HOOK3: variants seen among roughly 807,000 people sequenced by gnomAD.
HOOK3 encodes hook microtubule tethering protein 3, also known as protein Hook homolog 3.
Under a neutral mutation model 116.3 loss-of-function variants are expected in HOOK3, and 24 were observed. That is an observed-to-expected ratio of 0.21 (90% CI 0.15 to 0.29). The LOEUF (loss-of-function observed/expected upper bound fraction) is 0.29, where lower values mean the gene tolerates loss of function less well. Ranked by LOEUF, HOOK3 falls within the 10% of genes least tolerant of loss-of-function variation. The probability of loss-of-function intolerance (pLI) is 1.00; values close to 1 mark genes in which losing one functional copy is unlikely to be tolerated. For missense variants in HOOK3, 632 were observed against 830.2 expected (o/e 0.76, Z 2.93); for synonymous variants, 275 against 283.0 (o/e 0.97, Z 0.28).
chr8:42,949,066 T>G (rs1808290112), intron 5 of HOOK3, among the ~76,000 whole-genome samples: 1 of 152,220 alleles, frequency 6.6e-6, no homozygotes, highest in Admixed American at 6.5e-5. Flanking sequence ...GGATTACAGT[T>G]GTCATTTCAA....
chr8:43,019,182 C>T lies in HOOK3; in HGVS notation c.*684C>T, dbSNP rs1398042145. On this transcript the variant is annotated 3_prime_UTR_variant, in exon 22 of 22. Transcript: ENST00000307602. Reference sequence around the variant, plus strand: ...ATACATAAAATTTCATTATTTCCTGCTATCTTGTTTGCTGGCAGAAGTGAA... The same window carrying T: ...ATACATAAAATTTCATTATTTCCTGTTATCTTGTTTGCTGGCAGAAGTGAA... The T allele has an allele frequency of 4.8e-6, 1 of 210,356 alleles. No homozygotes were observed. Among genetic ancestry groups the T allele is most frequent in the African/African-American group, 2.3e-5 (1 of 44,120 alleles). 13.0% of individuals were successfully genotyped at this position (210,356 alleles called of 1,614,324 possible).
In HOOK3 at chr8:42,973,405, TATATATATTAGGC is replaced by T. The variant is rs779305727; in HGVS notation, c.1233+9_1233+21del. ...GTCTTCAAAAAGAAAAGGACGTGAG[TATATATATTAGGC>T]ATTTTGGTTTTGAGCACTGCTAAAA... is the stretch of plus-strand genomic sequence containing the variant. On this transcript the variant is annotated splice_region_variant and intron_variant, in intron 12 of 21. Coordinates refer to ENST00000307602, the MANE Select transcript of HOOK3 (RefSeq NM_032410.4). 5.6e-6 allele frequency: 9 copies of T among 1,596,198 alleles called. No homozygotes were observed. The Admixed American group carries it at 1.6e-4, about 28-fold the overall frequency.
At position 42,897,033 on chromosome 8, in the gene HOOK3, G is replaced by A; in HGVS notation, c.-99G>A. ...GCGGCCGGATCCGAGGAGCAGGCGG[G>A]CCTGAGGCCGAGTCAGCTGCGCGGG... On this transcript the variant is annotated 5_prime_UTR_variant, in exon 1 of 22. Coordinates refer to ENST00000307602, the MANE Select transcript of HOOK3 (RefSeq NM_032410.4). 2.2e-6 allele frequency: 2 copies of A among 912,198 alleles called. No homozygotes were observed. Among genetic ancestry groups the A allele is most frequent in the Non-Finnish European group, 2.9e-6 (2 of 693,860 alleles). 56.5% of individuals were successfully genotyped at this position (912,198 alleles called of 1,614,324 possible).
intron 15 of HOOK3, among the ~76,000 whole-genome samples, chr8:42,989,417 G>T (rs1809112608): frequency 1.3e-5 from 2 of 152,242 alleles, no homozygotes; most frequent in Admixed American, 6.5e-5. Flanking sequence ...ACCCCATGAG[G>T]TAGGCATTAT....
In HOOK3 at chr8:42,951,538, G is replaced by T. The variant is rs145384358; in HGVS notation, c.468+1083G>T. Among the ~76,000 whole-genome samples the T allele has an allele frequency of 1.0e-3, 155 of 152,294 alleles. 1 individual carries two copies. Among genetic ancestry groups the T allele is most frequent in the Middle Eastern group, 3.4e-3 (1 of 294 alleles). On this transcript the variant is annotated intron_variant, in intron 6 of 21. Transcript: ENST00000307602. Reference sequence around the variant, plus strand: ...AAAAGTAAAACAGAGACTAATAGCTGGTCAAGTTCAGGATGTGAGAATGTT... The same window carrying T: ...AAAAGTAAAACAGAGACTAATAGCTTGTCAAGTTCAGGATGTGAGAATGTT...
At chr8:42,961,879 T>C (rs557508958) in intron 8 of HOOK3, among the ~76,000 whole-genome samples, 54 of 152,250 alleles carry the variant, frequency 3.5e-4, no homozygotes, top group African/African-American at 1.2e-3. Flanking sequence ...CTCCGCCTCC[T>C]GGGCTAAAGC....
chr8:42,933,746 G>A (rs147377977), intron 4 of HOOK3, among the ~76,000 whole-genome samples: 2,356 of 152,288 alleles, frequency 0.015, 29 homozygotes, highest in Non-Finnish European at 0.021. Context: ...TGGTTTAGTT[G>A]AATATGGAAT....
At chr8:42,972,858 C>T (rs1250950152) in intron 11 of HOOK3, among the ~76,000 whole-genome samples, 1 of 152,116 alleles carries the variant, frequency 6.6e-6, no homozygotes, top group Non-Finnish European at 1.5e-5. Context: ...TTCCTGTTAT[C>T]GGCAGTTGAC....
At chr8:42,914,125 C>T (rs1216876945) in intron 2 of HOOK3, among the ~76,000 whole-genome samples, 2 of 152,152 alleles carry the variant, frequency 1.3e-5, no homozygotes, top group Non-Finnish European at 2.9e-5. Flanking sequence ...TGGTCGTGCT[C>T]CTCCATACTG....
At chr8:42,946,489 G>T (rs576057896) in intron 5 of HOOK3, among the ~76,000 whole-genome samples, 12 of 152,126 alleles carry the variant, frequency 7.9e-5, no homozygotes, top group African/African-American at 2.9e-4. Flanking sequence ...AGCACAGTAT[G>T]TTACTATTAC....
intron 3 of HOOK3, among the ~76,000 whole-genome samples, chr8:42,926,413 G>A (rs138803021): frequency 2.0e-5 from 3 of 152,224 alleles, no homozygotes; most frequent in African/African-American, 7.2e-5. Context: ...AGCCTTCCAA[G>A]GAGCTTAGGA....
intron 5 of HOOK3, among the ~76,000 whole-genome samples, chr8:42,944,370 C>T (rs1042770791): frequency 1.1e-4 from 16 of 150,020 alleles, no homozygotes; most frequent in East Asian, 2.0e-4. Flanking sequence ...GAGCCAAGAT[C>T]GCATCACTGC....
chr8:42,924,997 T>G (rs926849802), intron 2 of HOOK3, among the ~76,000 whole-genome samples: 3 of 151,820 alleles, frequency 2.0e-5, no homozygotes, highest in African/African-American at 7.3e-5. Context: ...ACCCAAAAAC[T>G]ATGTCATTGA....
chr8:42,998,849 G>A (rs200133472), intron 16 of HOOK3, among the ~76,000 whole-genome samples: 27 of 152,092 alleles, frequency 1.8e-4, no homozygotes, highest in Admixed American at 1.2e-3. Flanking sequence ...TTCAAAATGC[G>A]AAATCACAAA....
At chr8:42,953,871 G>A (rs757540506) in intron 6 of HOOK3, among the ~76,000 whole-genome samples, 95 of 152,070 alleles carry the variant, frequency 6.2e-4, no homozygotes, top group Non-Finnish European at 1.3e-3. Context: ...GCTCAGGTTC[G>A]CATAGAAGTA....
Position 42,986,805 on chromosome 8 carries a change from T to A in HOOK3, c.1532+10T>A, listed in dbSNP as rs770123986. 10 of 1,610,534 alleles carry A rather than the reference T, an allele frequency of 6.2e-6. No homozygotes were observed. Among genetic ancestry groups the A allele is most frequent in the South Asian group, 1.1e-5 (1 of 90,246 alleles). ...TGGAGACAGAGAATAGGTAGAGTATTATAGGTGGCCGCATCTGGCTATAAG... is the reference window on the plus strand; with the variant it reads ...TGGAGACAGAGAATAGGTAGAGTATAATAGGTGGCCGCATCTGGCTATAAG... On this transcript the variant is annotated intron_variant, in intron 15 of 21. Transcript: ENST00000307602.
chr8:42,966,669 A>C (rs1324372794), intron 10 of HOOK3, 56 bp downstream of exon 10: 12 of 1,562,200 alleles, frequency 7.7e-6, no homozygotes, highest in Middle Eastern at 1.7e-4. Context: ...TAGAAACTCT[A>C]GGGTTTCTGA....
Position 43,026,273 on chromosome 8 carries a change from T to C in HOOK3, c.*7775T>C, listed in dbSNP as rs185398579. 7.7e-3 allele frequency: 1,508 copies of C among 195,314 alleles called. 13 individuals carry two copies. Among genetic ancestry groups the C allele is most frequent in the Admixed American group, 0.017 (282 of 16,446 alleles). The allele number at this position is 195,314 out of a possible 1,614,324, so 12.1% of individuals were successfully genotyped here. On this transcript the variant is annotated 3_prime_UTR_variant, in exon 22 of 22. Coordinates refer to ENST00000307602, the MANE Select transcript of HOOK3 (RefSeq NM_032410.4). ...TATTTAGTGTCTTAATATATAGTCT[T>C]TATATAGTATCTTAATATTATTTAC...
chr8:43,011,062 G>T (rs555386815), intron 19 of HOOK3, among the ~76,000 whole-genome samples: 6 of 151,414 alleles, frequency 4.0e-5, no homozygotes, highest in Non-Finnish European at 8.8e-5. Context: ...GCACGATCTT[G>T]GCTCACTGCA....
Sources: gnomAD v4.1 joint callset for allele counts (sites outside exome capture counted in the v4.1 genomes callset) on GRCh38, gnomAD v4.1.1 for gene constraint, MANE v1.5 for transcripts, NCBI Gene and HGNC (gene_info 2026-07-23, HGNC 2026-07-21) for gene names.